Variants in ABCA13 observed in about 807,000 individuals in gnomAD.
The protein encoded by ABCA13 is ATP binding cassette subfamily A member 13, also known as ATP-binding cassette sub-family A member 13.
Under a neutral mutation model 478.7 loss-of-function variants are expected in ABCA13, and 476 were observed. The observed-to-expected ratio is 0.99, with a 90% CI of 0.92 to 1.07. ABCA13 has a LOEUF of 1.07. Among genes scored for constraint, ABCA13 ranks in the 50% least tolerant of loss-of-function variants. ABCA13 has a pLI of 0.00. For synonymous variants in ABCA13, 2,252 were observed against 2,158.9 expected, an observed-to-expected ratio of 1.04 and a Z score of -1.20; for missense variants, 6,060 against 5,910.6, an observed-to-expected ratio of 1.03 and a Z score of -0.83.
chr7:48,342,913 A>T (rs1358555487), intron 29 of ABCA13, among the ~76,000 whole-genome samples: 1 of 152,072 alleles, frequency 6.6e-6, no homozygotes, highest in Non-Finnish European at 1.5e-5. Context: ...TTAAAATTTA[A>T]ATTTTCTTAT....
chr7:48,187,127 C>A (rs940406528), intron 1 of ABCA13, among the ~76,000 whole-genome samples: 1 of 149,418 alleles, frequency 6.7e-6, no homozygotes, highest in Non-Finnish European at 1.5e-5. Context: ...TGTTTAAAGG[C>A]CATTTAGCTG....
At chr7:48,501,444 G>A (rs911253717) in intron 48 of ABCA13, among the ~76,000 whole-genome samples, 1 of 152,118 alleles carries the variant, frequency 6.6e-6, no homozygotes, top group African/African-American at 2.4e-5. Flanking sequence ...GTAGATCAGT[G>A]TGTTCTTTAA....
At chr7:48,201,026 A>G (rs895552400) in intron 3 of ABCA13, among the ~76,000 whole-genome samples, 5 of 152,192 alleles carry the variant, frequency 3.3e-5, no homozygotes, top group African/African-American at 1.2e-4. Flanking sequence ...AGGGGTCCTG[A>G]GCATCGGAGG....
rs139320780 is a variant in ABCA13, at chr7:48,499,701, A to T, written c.13292-6635A>T. Among the ~76,000 whole-genome samples the T allele has an allele frequency of 2.8e-4, 43 of 152,354 alleles. 1 individual carries two copies. Among genetic ancestry groups the T allele is most frequent in the African/African-American group, 1.0e-3 (43 of 41,588 alleles). On this transcript the variant is annotated intron_variant, in intron 48 of 61. Transcript: ENST00000435803. ...GAAAAATTATTCAAATGTACTCAAC[A>T]TGTACATTTTGAAACGTCATTTCTG...
chr7:48,434,696 G>A (rs1485432659), intron 42 of ABCA13, among the ~76,000 whole-genome samples: 2 of 151,848 alleles, frequency 1.3e-5, no homozygotes, highest in Non-Finnish European at 2.9e-5. Flanking sequence ...TACTGTGTAT[G>A]GTAGGTGTCC....
intron 20 of ABCA13, among the ~76,000 whole-genome samples, chr7:48,289,952 C>T (rs1056771278): frequency 6.6e-6 from 1 of 152,116 alleles, no homozygotes; most frequent in African/African-American, 2.4e-5. Flanking sequence ...CTTTTTCAGG[C>T]TGTGGGATAT....
At chr7:48,417,886 C>T (rs1397475825) in intron 41 of ABCA13, among the ~76,000 whole-genome samples, 2 of 152,220 alleles carry the variant, frequency 1.3e-5, no homozygotes, top group Non-Finnish European at 1.5e-5. Context: ...TTACTGTCAT[C>T]GTAGTTTTAC....
intron 29 of ABCA13, among the ~76,000 whole-genome samples, chr7:48,349,489 C>T (rs1808607216): frequency 6.6e-6 from 1 of 152,140 alleles, no homozygotes. Context: ...TTCTACAGAC[C>T]TCAGGATGAT....
intron 1 of ABCA13, among the ~76,000 whole-genome samples, chr7:48,177,484 C>A (rs1795039859): frequency 6.6e-6 from 1 of 152,230 alleles, no homozygotes; most frequent in African/African-American, 2.4e-5. Context: ...GCGGCCCACA[C>A]CCAGGGGCGC....
chr7:48,514,864 G>A (rs1307987579), intron 51 of ABCA13, among the ~76,000 whole-genome samples: 3 of 152,172 alleles, frequency 2.0e-5, no homozygotes, highest in African/African-American at 7.2e-5. Context: ...TTTTAGAACA[G>A]CTCTTGCCTC....
intron 42 of ABCA13, 65 bp from the exon 43 acceptor site, chr7:48,454,972 C>A: frequency 7.0e-7 from 1 of 1,426,238 alleles, no homozygotes. Context: ...AGAGGGCAAA[C>A]GAGGCAAAGC....
intron 56 of ABCA13, among the ~76,000 whole-genome samples, chr7:48,581,194 T>C (rs1051574771): frequency 1.3e-5 from 2 of 152,188 alleles, no homozygotes; most frequent in Admixed American, 1.3e-4. Context: ...CGTTTGCAAT[T>C]AGATTCTGCG....
chr7:48,414,543 T>G (rs1438123360), intron 41 of ABCA13, among the ~76,000 whole-genome samples: 1 of 149,926 alleles, frequency 6.7e-6, no homozygotes, highest in Non-Finnish European at 1.5e-5. Flanking sequence ...AAATAATACA[T>G]ATATATTACA....
rs1383327121 is a variant in ABCA13, at chr7:48,276,534, T to C, written c.6868T>C (p.Tyr2290His). Reference sequence around the variant, plus strand: ...GAACAAAATATCTCTTCTGCTGAAATATTTCCACAAAGATGTTATTGCAGA... The same window carrying C: ...GAACAAAATATCTCTTCTGCTGAAACATTTCCACAAAGATGTTATTGCAGA... The part of the protein sequence containing the change: ...SENKISLLLK[Y>H]FHKDVIAEMS... The change falls in exon 17 of 62, where the codon TAT becomes CAT. Residue 2290 changes from tyrosine (Y) to histidine (H), a missense_variant. This residue lies in a region of ABCA13 where 4,423 missense variants were observed against 4,309.1 expected (regional missense o/e 1.03). Coordinates refer to ENST00000435803, the MANE Select transcript of ABCA13 (RefSeq NM_152701.5). 6.2e-7 allele frequency: 1 copy of C among 1,611,848 alleles called. No individual in the cohort carries two copies. The highest frequency in any genetic ancestry group is 2.2e-5 in the East Asian group (1 of 44,776).
chr7:48,276,060 G>A lies in ABCA13; in HGVS notation c.6394G>A (p.Glu2132Lys), dbSNP rs771287120. The change falls in exon 17 of 62, where the codon GAA becomes AAA. Residue 2132 changes from glutamate to lysine, a missense_variant. This residue lies in a region of ABCA13 where 4,423 missense variants were observed against 4,309.1 expected (regional missense o/e 1.03). Transcript: ENST00000435803. ...ATTGGTCACAAAAAACTGGCTTCAGGAATATGCAAATGAGGATTACTCCAG... is the reference window on the plus strand; with the variant it reads ...ATTGGTCACAAAAAACTGGCTTCAGAAATATGCAAATGAGGATTACTCCAG... ...FLLVTKNWLQ[E>K]YANEDYSRMI... 5.6e-6 allele frequency: 9 copies of A among 1,606,576 alleles called. No individual in the cohort carries two copies. In the African/African-American group the frequency reaches 1.2e-4, roughly 21 times the overall value.
At chr7:48,248,900 A>G (rs910726603) in intron 14 of ABCA13, among the ~76,000 whole-genome samples, 2 of 152,182 alleles carry the variant, frequency 1.3e-5, no homozygotes, top group Admixed American at 1.3e-4. Context: ...AATAGGGAAT[A>G]TATATTTTCT....
chr7:48,330,206 C>T (rs1219558014), intron 27 of ABCA13, among the ~76,000 whole-genome samples: 2 of 151,644 alleles, frequency 1.3e-5, no homozygotes, highest in Non-Finnish European at 2.9e-5. Flanking sequence ...TCAATCCATT[C>T]ATCCATTTAT....
At chr7:48,301,151 A>T (rs1038716160) in intron 23 of ABCA13, among the ~76,000 whole-genome samples, 1 of 151,916 alleles carries the variant, frequency 6.6e-6, no homozygotes, top group African/African-American at 2.4e-5. Flanking sequence ...CCGCGCCACA[A>T]ATCTTAAGGA....
intron 42 of ABCA13, among the ~76,000 whole-genome samples, chr7:48,439,249 G>A (rs905547416): frequency 1.3e-5 from 2 of 152,130 alleles, no homozygotes; most frequent in African/African-American, 4.8e-5. Flanking sequence ...TTCCAAGCTT[G>A]TTTAGGTCTT....
Sources: gnomAD v4.1 joint callset for allele counts (sites outside exome capture counted in the v4.1 genomes callset) on GRCh38, gnomAD v4.1.1 for gene constraint, gnomAD v4.1.1 regional missense constraint, MANE v1.5 for transcripts, NCBI Gene and HGNC (gene_info 2026-07-23, HGNC 2026-07-21) for gene names.